The following SHANK2 variants were observed in gnomAD, a reference collection of about 807,000 sequenced individuals.
SHANK2 encodes the protein SH3 and multiple ankyrin repeat domains protein 2.
A neutral mutation model predicts 133.7 loss-of-function variants in SHANK2; 43 were observed. The ratio of observed to expected loss-of-function variants is 0.32; its 90% CI spans 0.25 to 0.41. The LOEUF (loss-of-function observed/expected upper bound fraction) is 0.41, where lower values mean the gene tolerates loss of function less well. Ranked by LOEUF, SHANK2 falls within the 10% of genes least tolerant of loss-of-function variation. The probability of loss-of-function intolerance (pLI) is 1.00; values close to 1 mark genes in which losing one functional copy is unlikely to be tolerated. For synonymous variants in SHANK2, 1,017 were observed against 952.8 expected (o/e 1.07, Z -1.24); for missense variants, 1,994 against 2,235.8 (o/e 0.89, Z 2.18).
intron 10 of SHANK2, among the ~76,000 whole-genome samples, chr11:70,941,106 G>C (rs1303622547): frequency 6.6e-6 from 1 of 152,192 alleles, no homozygotes; most frequent in Non-Finnish European, 1.5e-5. Flanking sequence ...TCATAAGCTT[G>C]TCGGTAAAAT....
At chr11:71,102,463 A>G (rs1555096836) in intron 6 of SHANK2, among the ~76,000 whole-genome samples, 1 of 152,106 alleles carries the variant, frequency 6.6e-6, no homozygotes, top group Non-Finnish European at 1.5e-5. Context: ...CGCGGGGCCC[A>G]GGTCTGCAGG....
chr11:70,578,820 G>A (rs1188237824), intron 17 of SHANK2, among the ~76,000 whole-genome samples: 4 of 152,204 alleles, frequency 2.6e-5, no homozygotes, highest in Non-Finnish European at 5.9e-5. Context: ...CCTTGGAAAT[G>A]TTACTTATTC....
rs1555153644 is a variant in SHANK2, at chr11:70,486,479, G to T, written c.3814C>A (p.Pro1272Thr). Residue 1272 changes from proline to threonine, a missense_variant, in exon 25 of 26, where the codon CCC becomes ACC. Pro to Thr is a conservative substitution (Grantham distance 38, BLOSUM62 -1). Coordinates refer to ENST00000601538, the MANE Select transcript of SHANK2 (RefSeq NM_012309.5). This position sits in a 1 kb window ranked among gnomAD's most constrained non-coding sequence, Gnocchi z 8.0. ...TTCTCCGTCTCCTGCCGCCTCAGGG[G>T]TCCCCGGGTGTTCTGCCTGGTGACC... ...PTVTRQNTRGPLRRQETENKY... is the reference protein window; with the variant it reads ...PTVTRQNTRGTLRRQETENKY... The T allele has an allele frequency of 6.2e-6, 10 of 1,614,104 alleles. No homozygotes were observed. Among genetic ancestry groups the T allele is most frequent in the Non-Finnish European group, 7.6e-6 (9 of 1,180,020 alleles).
At chr11:70,829,463 C>A (rs1302780517) in intron 11 of SHANK2, among the ~76,000 whole-genome samples, 8 of 152,288 alleles carry the variant, frequency 5.3e-5, no homozygotes, top group Admixed American at 1.3e-4. Flanking sequence ...GCCCCGTCAC[C>A]AGGAATACGG....
At chr11:71,137,238 A>G (rs1952456686) in intron 3 of SHANK2, among the ~76,000 whole-genome samples, 1 of 139,498 alleles carries the variant, frequency 7.2e-6, no homozygotes, top group Non-Finnish European at 1.5e-5. Flanking sequence ...GAAAAAAAGA[A>G]AGTTTTAGTC....
chr11:70,811,278 A>G (rs1948272267), intron 12 of SHANK2, among the ~76,000 whole-genome samples: 1 of 152,174 alleles, frequency 6.6e-6, no homozygotes, highest in South Asian at 2.1e-4. Flanking sequence ...TGTCTGACAC[A>G]GCAGCTGCTT....
At chr11:70,627,066 G>A (rs2136494202) in intron 17 of SHANK2, among the ~76,000 whole-genome samples, 1 of 152,282 alleles carries the variant, frequency 6.6e-6, no homozygotes, top group South Asian at 2.1e-4. Context: ...GGGTGGCATG[G>A]TGTTGGGGGA....
chr11:70,894,422 G>A (rs557768499), intron 11 of SHANK2, among the ~76,000 whole-genome samples: 1 of 152,228 alleles, frequency 6.6e-6, no homozygotes, highest in African/African-American at 2.4e-5. Flanking sequence ...CCTGACCTCA[G>A]ATGATCCACC....
chr11:70,628,104 C>T (rs924297711), intron 17 of SHANK2, among the ~76,000 whole-genome samples: 2 of 152,142 alleles, frequency 1.3e-5, no homozygotes, highest in African/African-American at 2.4e-5. Flanking sequence ...GGATTACAGG[C>T]GCATGCCACC....
At chr11:70,745,391 C>T (rs1555035770) in intron 14 of SHANK2, among the ~76,000 whole-genome samples, 3 of 152,354 alleles carry the variant, frequency 2.0e-5, no homozygotes, top group South Asian at 2.1e-4. Flanking sequence ...CTATCACCCT[C>T]CTTGGGTTGA....
At position 70,643,450 on chromosome 11, in the gene SHANK2, G is replaced by A. The variant is rs949459718; in HGVS notation, c.2061+16378C>T. On this transcript the variant is annotated intron_variant, in intron 17 of 25. Coordinates refer to ENST00000601538, the MANE Select transcript of SHANK2 (RefSeq NM_012309.5). ...GTGGTGGCAGGTGCCTGTAGTCCCA[G>A]CTCCTCAGGAGGCTGAGGCAGGAGA... Among the ~76,000 whole-genome samples, 12 of 151,968 alleles carry A rather than the reference G, an allele frequency of 7.9e-5. No homozygotes were observed. In the South Asian group the frequency reaches 1.2e-3, roughly 16 times the overall value.
chr11:70,499,626 A>G (rs2059021521), intron 21 of SHANK2, among the ~76,000 whole-genome samples: 1 of 152,250 alleles, frequency 6.6e-6, no homozygotes. Flanking sequence ...GTTCACACAC[A>G]AACGTAATTG....
intron 10 of SHANK2, among the ~76,000 whole-genome samples, chr11:70,906,332 CTGG>C (rs1175144813): frequency 6.6e-6 from 1 of 152,176 alleles, no homozygotes; most frequent in African/African-American, 2.4e-5. Context: ...GGCCAGGGCC[CTGG>C]AGAGGCTGTG....
intron 14 of SHANK2, among the ~76,000 whole-genome samples, chr11:70,760,289 C>T (rs1469687793): frequency 1.3e-5 from 2 of 152,260 alleles, no homozygotes; most frequent in Admixed American, 6.5e-5. Flanking sequence ...CCCTCACCTC[C>T]TCGAAGCGCC....
Position 70,572,391 on chromosome 11 carries a change from C to T in SHANK2, c.2062-69460G>A, listed in dbSNP as rs538923098. Among the ~76,000 whole-genome samples the T allele has an allele frequency of 4.6e-5, 7 of 152,318 alleles. No individual in the cohort carries two copies. The East Asian group carries it at 9.7e-4, about 21-fold the overall frequency. ...GCCAGGCTGGTCTTGAACTCCTGACCTCAAGTGATCCTCCTGTCTCGGCCT... is the reference window on the plus strand; with the variant it reads ...GCCAGGCTGGTCTTGAACTCCTGACTTCAAGTGATCCTCCTGTCTCGGCCT... On this transcript the variant is annotated intron_variant, in intron 17 of 25. Transcript: ENST00000601538.
chr11:70,743,866 C>T (rs560473156), intron 14 of SHANK2, among the ~76,000 whole-genome samples: 11 of 152,264 alleles, frequency 7.2e-5, no homozygotes, highest in African/African-American at 1.9e-4. Context: ...CCGGCTGCTG[C>T]GACACCCCCA....
chr11:70,740,451 C>T (rs1450742085), intron 14 of SHANK2, among the ~76,000 whole-genome samples: 1 of 152,156 alleles, frequency 6.6e-6, no homozygotes, highest in Non-Finnish European at 1.5e-5. Flanking sequence ...CACCCACCCT[C>T]CACCTTGAGT....
At chr11:71,243,256 G>A (rs1591048571) in intron 1 of SHANK2, among the ~76,000 whole-genome samples, 1 of 152,202 alleles carries the variant, frequency 6.6e-6, no homozygotes, top group African/African-American at 2.4e-5. Context: ...AAGCAATAAA[G>A]AAAATCAATG....
At position 71,116,751 on chromosome 11, in the gene SHANK2, C is replaced by T. The variant is rs192418145; in HGVS notation, c.411+2078G>A. 1.1e-3 allele frequency among the ~76,000 whole-genome samples: 170 copies of T among 152,252 alleles called. 1 individual carries two copies. Among genetic ancestry groups the T allele is most frequent in the African/African-American group, 3.8e-3 (159 of 41,558 alleles). On this transcript the variant is annotated intron_variant, in intron 4 of 25. Coordinates refer to ENST00000601538, the MANE Select transcript of SHANK2 (RefSeq NM_012309.5). ...GGTGGGAGGTCTTTGGGTCCTGGGG[C>T]GGATCCCTCCTGAATGGCCTGGAGC...
Sources: gnomAD v4.1 joint callset for allele counts (sites outside exome capture counted in the v4.1 genomes callset) on GRCh38, gnomAD v4.1.1 for gene constraint, Gnocchi (gnomAD v3.1) non-coding constraint, MANE v1.5 for transcripts, NCBI Gene and HGNC (gene_info 2026-07-23, HGNC 2026-07-21) for gene names.